Variants in HCN1 observed in about 807,000 individuals in gnomAD.
HCN1 encodes potassium/sodium hyperpolarization-activated cyclic nucleotide-gated channel 1.
In HCN1, 13 loss-of-function variants were observed where a neutral mutation model predicts 78.9. The observed-to-expected ratio is 0.16, with a 90% confidence interval of 0.11 to 0.26. The LOEUF (loss-of-function observed/expected upper bound fraction) is 0.26, where lower values mean the gene tolerates loss of function less well. Ranked by LOEUF, HCN1 falls within the 10% of genes least tolerant of loss-of-function variation. The probability of loss-of-function intolerance (pLI) is 1.00; values close to 1 mark genes in which losing one functional copy is unlikely to be tolerated. For synonymous variants in HCN1, 552 were observed against 455.5 expected, an observed-to-expected ratio of 1.21 and a Z score of -2.70; for missense variants, 810 against 1,154.3, an observed-to-expected ratio of 0.70 and a Z score of 4.32.
intron 2 of HCN1, among the ~76,000 whole-genome samples, chr5:45,622,397 G>A (rs866580446): frequency 6.6e-6 from 1 of 152,064 alleles, no homozygotes; most frequent in Non-Finnish European, 1.5e-5. Flanking sequence ...AAAGATACAA[G>A]GTACTAATCA....
intron 2 of HCN1, among the ~76,000 whole-genome samples, chr5:45,586,763 C>T (rs1404034518): frequency 1.3e-5 from 2 of 152,102 alleles, no homozygotes; most frequent in African/African-American, 4.8e-5. Flanking sequence ...CATTTAGTCT[C>T]TTAGAGCCAT....
intron 1 of HCN1, among the ~76,000 whole-genome samples, chr5:45,680,401 T>A (rs996113082): frequency 3.3e-5 from 5 of 152,146 alleles, no homozygotes; most frequent in Non-Finnish European, 7.4e-5. Flanking sequence ...TTCCATTACA[T>A]AATACCTCCT....
At position 45,272,504 on chromosome 5, in the gene HCN1, A is replaced by G. The variant is rs112710384; in HGVS notation, c.1619-5251T>C. On this transcript the variant is annotated intron_variant, in intron 6 of 7. Transcript: ENST00000303230. Reference sequence around the variant, plus strand: ...TATAATATCCCTTATAGTGCCTGCTACATTGAGTTTCCAGCCCAGGCAAAA... The same window carrying G: ...TATAATATCCCTTATAGTGCCTGCTGCATTGAGTTTCCAGCCCAGGCAAAA... Among the ~76,000 whole-genome samples the G allele has an allele frequency of 9.4e-3, 1,435 of 152,176 alleles. 21 individuals are homozygous for G. The highest frequency in any genetic ancestry group is 0.033 in the African/African-American group (1,383 of 41,538).
chr5:45,507,433 A>C (rs1223436330), intron 2 of HCN1, among the ~76,000 whole-genome samples: 1 of 152,200 alleles, frequency 6.6e-6, no homozygotes, highest in African/African-American at 2.4e-5. Context: ...CCATAGCAGC[A>C]GCTAAGAGGA....
intron 6 of HCN1, among the ~76,000 whole-genome samples, chr5:45,274,165 G>T (rs1476065080): frequency 6.6e-6 from 1 of 151,990 alleles, no homozygotes; most frequent in African/African-American, 2.4e-5. Context: ...CTAATAACCA[G>T]AATACCCAAT....
intron 2 of HCN1, among the ~76,000 whole-genome samples, chr5:45,470,575 T>C (rs961774988): frequency 6.6e-6 from 1 of 151,916 alleles, no homozygotes; most frequent in African/African-American, 2.4e-5. Context: ...CAGGTAATAA[T>C]AGTACATATA....
At chr5:45,304,789 C>A (rs1745695291) in intron 5 of HCN1, among the ~76,000 whole-genome samples, 1 of 152,136 alleles carries the variant, frequency 6.6e-6, no homozygotes, top group African/African-American at 2.4e-5. Context: ...AGAGAGAGGA[C>A]ATATTTGCCT....
intron 5 of HCN1, among the ~76,000 whole-genome samples, chr5:45,314,784 C>T (rs1248056374): frequency 6.6e-6 from 1 of 152,114 alleles, no homozygotes; most frequent in Non-Finnish European, 1.5e-5. Context: ...ATAAAACAGA[C>T]TTTAAACCAA....
At chr5:45,658,807 C>T (rs1463137711) in intron 1 of HCN1, among the ~76,000 whole-genome samples, 1 of 151,798 alleles carries the variant, frequency 6.6e-6, no homozygotes, top group East Asian at 2.0e-4. Context: ...GGTCCTACGC[C>T]CACGGAATCT....
chr5:45,620,639 G>T (rs1384753272), intron 2 of HCN1, among the ~76,000 whole-genome samples: 1 of 151,750 alleles, frequency 6.6e-6, no homozygotes, highest in Non-Finnish European at 1.5e-5. Context: ...AAGGGAGGGA[G>T]GATAGGAACA....
At chr5:45,427,807 A>G (rs1480957266) in intron 3 of HCN1, among the ~76,000 whole-genome samples, 2 of 152,120 alleles carry the variant, frequency 1.3e-5, no homozygotes, top group African/African-American at 4.8e-5. Context: ...CATGTAGCAT[A>G]AGAGTATTAC....
rs565160124 is a variant in HCN1 at position 45,380,259 on chromosome 5, G to T, written c.1230+16233C>A. ...AATTGAAGAGCAAAAAGGCCAGGCAGCTCTCTGAAGCCTCTTTTATAAGGG... is the reference window on the plus strand; with the variant it reads ...AATTGAAGAGCAAAAAGGCCAGGCATCTCTCTGAAGCCTCTTTTATAAGGG... On this transcript the variant is annotated intron_variant, in intron 4 of 7. Coordinates refer to ENST00000303230, the MANE Select transcript of HCN1 (RefSeq NM_021072.4). 2.6e-5 allele frequency among the ~76,000 whole-genome samples: 4 copies of T among 152,152 alleles called. No individual in the cohort carries two copies. In the East Asian group the frequency reaches 7.8e-4, roughly 30 times the overall value.
chr5:45,680,068 C>A (rs1327202679), intron 1 of HCN1, among the ~76,000 whole-genome samples: 1 of 152,102 alleles, frequency 6.6e-6, no homozygotes, highest in Admixed American at 6.6e-5. Context: ...TTTTCTCTCT[C>A]TTTCCAACAT....
chr5:45,493,337 T>C (rs1043614004), intron 2 of HCN1, among the ~76,000 whole-genome samples: 1 of 151,962 alleles, frequency 6.6e-6, no homozygotes, highest in Non-Finnish European at 1.5e-5. Context: ...TGAAAACTTA[T>C]CTTATACTCT....
chr5:45,272,151 T>C (rs1368776986), intron 6 of HCN1, among the ~76,000 whole-genome samples: 3 of 152,156 alleles, frequency 2.0e-5, no homozygotes, highest in African/African-American at 7.2e-5. Flanking sequence ...TAATTTTCTC[T>C]TGATACAATA....
At chr5:45,519,939 A>C (rs1250763756) in intron 2 of HCN1, among the ~76,000 whole-genome samples, 1 of 152,020 alleles carries the variant, frequency 6.6e-6, no homozygotes. Flanking sequence ...GTGTTTACCC[A>C]TAAGAGTTGA....
At chr5:45,691,706 C>T (rs1739916198) in intron 1 of HCN1, among the ~76,000 whole-genome samples, 2 of 152,054 alleles carry the variant, frequency 1.3e-5, no homozygotes, top group African/African-American at 4.8e-5. Context: ...TCTTTAAACC[C>T]TAGAAGGTTG....
intron 2 of HCN1, among the ~76,000 whole-genome samples, chr5:45,610,417 A>T (rs1744809620): frequency 6.6e-6 from 1 of 151,798 alleles, no homozygotes; most frequent in African/African-American, 2.4e-5. Context: ...TGTTGTCTGA[A>T]ATGAAGACTG....
chr5:45,628,571 A>T (rs570504716), intron 2 of HCN1, among the ~76,000 whole-genome samples: 1 of 152,260 alleles, frequency 6.6e-6, no homozygotes, highest in African/African-American at 2.4e-5. Flanking sequence ...ACATTAAAAT[A>T]TAAATGATTT....
Sources: gnomAD v4.1 joint callset for allele counts (sites outside exome capture counted in the v4.1 genomes callset) on GRCh38, gnomAD v4.1.1 for gene constraint, MANE v1.5 for transcripts, NCBI Gene and HGNC (gene_info 2026-07-23, HGNC 2026-07-21) for gene names.